The following PIK3R3 variants were observed in gnomAD, a reference collection of about 807,000 sequenced individuals.
PIK3R3 encodes phosphatidylinositol 3-kinase regulatory subunit gamma.
In PIK3R3, 64 loss-of-function variants were observed where a neutral mutation model predicts 62.9. The ratio of observed to expected loss-of-function variants is 1.02; its 90% CI spans 0.83 to 1.25. The LOEUF (loss-of-function observed/expected upper bound fraction) is 1.25. Among genes scored for constraint, PIK3R3 ranks in the 50% most tolerant of loss-of-function variants. The probability of loss-of-function intolerance (pLI) is 0.00; values close to 1 mark genes in which losing one functional copy is unlikely to be tolerated. For synonymous variants in PIK3R3, 165 were observed against 189.0 expected (o/e 0.87, Z 1.04); for missense variants, 614 against 561.6 (o/e 1.09, Z -0.94).
At chr1:46,133,103 G>T, upstream of PIK3R3, 1 of 928,496 alleles carries the variant, frequency 1.1e-6, no homozygotes. Context: ...ACGGCTGCGC[G>T]CCCCAAGCGG....
At chr1:46,138,453 A>G in the PIK3R3 span, among the ~76,000 whole-genome samples, 2 of 152,118 alleles carry the variant, frequency 1.3e-5, no homozygotes, top group African/African-American at 4.8e-5. Flanking sequence ...TGAGCTCAGG[A>G]GTTCAAGACC....
intron 1 of PIK3R3, chr1:46,105,148 C>A: frequency 1.5e-6 from 1 of 679,914 alleles, no homozygotes; most frequent in Non-Finnish European, 2.7e-6. Context: ...ATGGGAGAGT[C>A]ACTCCGAAGG....
chr1:46,149,283 G>A, the PIK3R3 span, among the ~76,000 whole-genome samples: 4 of 151,790 alleles, frequency 2.6e-5, no homozygotes, highest in South Asian at 2.1e-4. Context: ...TTAGCCGAGC[G>A]TGATAGCAGG....
intron 7 of PIK3R3, among the ~76,000 whole-genome samples, chr1:46,048,958 G>A (rs889284796): frequency 1.3e-5 from 2 of 151,954 alleles, no homozygotes; most frequent in Non-Finnish European, 2.9e-5. Flanking sequence ...TAATGTTATC[G>A]AATCATGCAC....
chr1:46,165,742 T>G, the PIK3R3 span, among the ~76,000 whole-genome samples: 1 of 146,214 alleles, frequency 6.8e-6, no homozygotes, highest in Non-Finnish European at 1.5e-5. Context: ...TTTAAACTGC[T>G]GCTTTGTCCT....
chr1:46,125,208 T>C (rs1363105888), intron 1 of PIK3R3, among the ~76,000 whole-genome samples: 1 of 152,152 alleles, frequency 6.6e-6, no homozygotes, highest in Non-Finnish European at 1.5e-5. Flanking sequence ...ATACTTCTAG[T>C]GAAACATAGT....
the PIK3R3 span, among the ~76,000 whole-genome samples, chr1:46,168,584 A>C: frequency 6.6e-6 from 1 of 152,176 alleles, no homozygotes; most frequent in Non-Finnish European, 1.5e-5. Context: ...ATCATAACCC[A>C]ACCTTGGGCA....
At chr1:46,133,275 C>T (rs555404368), upstream of PIK3R3, among the ~76,000 whole-genome samples, 3 of 152,222 alleles carry the variant, frequency 2.0e-5, no homozygotes, top group African/African-American at 7.2e-5. Flanking sequence ...GCTGGGCGAG[C>T]GCTCGGGGGC....
chr1:46,049,641 A>C (rs1016767229), intron 7 of PIK3R3, among the ~76,000 whole-genome samples: 1 of 152,232 alleles, frequency 6.6e-6, no homozygotes, highest in Admixed American at 6.5e-5. Flanking sequence ...GCACCCAATG[A>C]CAGCAGTCAA....
upstream of PIK3R3, chr1:46,133,100 C>T (rs937939081): frequency 9.5e-6 from 9 of 944,302 alleles, no homozygotes; most frequent in African/African-American, 1.1e-4. Context: ...GAGACGGCTG[C>T]GCGCCCCAAG....
At chr1:46,169,696 G>A in the PIK3R3 span, among the ~76,000 whole-genome samples, 1 of 152,164 alleles carries the variant, frequency 6.6e-6, no homozygotes, top group African/African-American at 2.4e-5. Context: ...CTGAGGTATT[G>A]AGCTGAATCC....
chr1:46,131,778 C>A, intron 1 of PIK3R3, 69 bp downstream of exon 1: 3 of 1,475,184 alleles, frequency 2.0e-6, no homozygotes, highest in Non-Finnish European at 1.9e-6. Context: ...GCCCTGAAAA[C>A]ATCAGCAAGC....
rs115423425 is a variant in PIK3R3 at position 46,080,698 on chromosome 1, C to G, written c.159G>C (p.Met53Ile). Residue 53 changes from methionine (M) to isoleucine (I), a missense_variant, in exon 2 of 10, where the codon ATG (methionine) becomes ATC (isoleucine). By Grantham distance (10) the Met-to-Ile change is conservative (BLOSUM62 1). Coordinates refer to ENST00000262741, the MANE Select transcript of PIK3R3 (RefSeq NM_003629.4). ...KPMTSAVPNG[M>I]KDSSVSLQDA... ...CCTGAAGAGAAACAGAACTGTCCTT[C>G]ATTCCATTTGGAACTGCTGAAGTCA... The G allele has an allele frequency of 8.9e-4, 1,436 of 1,614,028 alleles. 1 individual carries two copies. The highest frequency in any genetic ancestry group is 1.1e-3 in the Non-Finnish European group (1,335 of 1,179,872).
chr1:46,108,498 G>A (rs759247592), intron 1 of PIK3R3, among the ~76,000 whole-genome samples: 13 of 152,270 alleles, frequency 8.5e-5, no homozygotes, highest in Non-Finnish European at 1.3e-4. Context: ...TTACTATCCT[G>A]TTGGTAATTC....
chr1:46,104,488 G>A (rs1209543627), intron 1 of PIK3R3, among the ~76,000 whole-genome samples: 1 of 152,058 alleles, frequency 6.6e-6, no homozygotes, highest in Non-Finnish European at 1.5e-5. Flanking sequence ...AATCCTATCA[G>A]AAAGTATCAA....
intron 6 of PIK3R3, among the ~76,000 whole-genome samples, chr1:46,058,542 C>G (rs368091828): frequency 6.6e-6 from 1 of 152,360 alleles, no homozygotes. Flanking sequence ...TGCCCCAGAC[C>G]ATGGGAACCC....
intron 1 of PIK3R3, among the ~76,000 whole-genome samples, chr1:46,121,512 G>A (rs966432251): frequency 1.5e-4 from 23 of 151,794 alleles, no homozygotes; most frequent in African/African-American, 5.1e-4. Flanking sequence ...AAATAAATAC[G>A]GGTTGGGCAC....
the PIK3R3 span, among the ~76,000 whole-genome samples, chr1:46,140,437 T>C: frequency 6.6e-6 from 1 of 152,158 alleles, no homozygotes; most frequent in Non-Finnish European, 1.5e-5. Context: ...AAAAAAGATA[T>C]GTCCAACTCC....
Position 46,054,971 on chromosome 1 carries a change from C to T in PIK3R3, c.941+824G>A, listed in dbSNP as rs866292568. The stretch of plus-strand genomic sequence containing the variant: ...AGGCTGGAGTGCAGTGGCACGATCT[C>T]GGCTCACTGCAACCTCTGCCTCCCA... On this transcript the variant is annotated intron_variant, in intron 7 of 9. Coordinates refer to ENST00000262741, the MANE Select transcript of PIK3R3 (RefSeq NM_003629.4). Among the ~76,000 whole-genome samples, 42 of 152,188 alleles carry T rather than the reference C, an allele frequency of 2.8e-4. 1 individual carries two copies. The Middle Eastern group carries it at 0.034, about 123-fold the overall frequency.
Sources: gnomAD v4.1 joint callset for allele counts (sites outside exome capture counted in the v4.1 genomes callset) on GRCh38, gnomAD v4.1.1 for gene constraint, MANE v1.5 for transcripts, NCBI Gene and HGNC (gene_info 2026-07-23, HGNC 2026-07-21) for gene names.